FBXW4: variants seen among roughly 807,000 people sequenced by gnomAD.
FBXW4 encodes the protein F-box/WD repeat-containing protein 4.
In FBXW4, 40 loss-of-function variants were observed where a neutral mutation model predicts 61.8. The observed-to-expected ratio is 0.65, with a 90% CI of 0.50 to 0.84. The LOEUF (loss-of-function observed/expected upper bound fraction) is 0.84, where lower values mean the gene tolerates loss of function less well. Among genes scored for constraint, FBXW4 ranks in the 40% least tolerant of loss-of-function variants. The pLI, the probability that FBXW4 is intolerant of heterozygous loss-of-function variation, is 0.00. For synonymous variants in FBXW4, 311 were observed against 313.8 expected, an observed-to-expected ratio of 0.99 and a Z score of 0.10; for missense variants, 672 against 753.8, an observed-to-expected ratio of 0.89 and a Z score of 1.27.
At chr10:101,636,925 G>A (rs932908863) in intron 5 of FBXW4, among the ~76,000 whole-genome samples, 5 of 152,074 alleles carry the variant, frequency 3.3e-5, no homozygotes, top group African/African-American at 1.2e-4. Flanking sequence ...ATCTTTTAGA[G>A]TACAGACTGA....
chr10:101,635,128 AG>A (rs982094558), intron 5 of FBXW4, among the ~76,000 whole-genome samples: 1 of 149,248 alleles, frequency 6.7e-6, no homozygotes, highest in African/African-American at 2.5e-5. Context: ...CTGTTAGATC[AG>A]GGGTAGCATT....
chr10:101,639,472 A>T (rs2064032889), intron 5 of FBXW4, among the ~76,000 whole-genome samples: 1 of 152,200 alleles, frequency 6.6e-6, no homozygotes, highest in Non-Finnish European at 1.5e-5. Flanking sequence ...ACACTTTGGG[A>T]CTGGACATCA....
chr10:101,644,687 A>G (rs1010616564), intron 5 of FBXW4, among the ~76,000 whole-genome samples: 1 of 152,188 alleles, frequency 6.6e-6, no homozygotes, highest in African/African-American at 2.4e-5. Context: ...GACCTTTCAG[A>G]GCCCTGTCTA....
Position 101,667,872 on chromosome 10 carries a change from T to A in FBXW4, c.1235+14A>T. 1 of 1,606,336 alleles carries A rather than the reference T, an allele frequency of 6.2e-7. No homozygotes were observed. Among genetic ancestry groups the A allele is most frequent in the Non-Finnish European group, 8.5e-7 (1 of 1,172,902 alleles). On this transcript the variant is annotated intron_variant, in intron 5 of 8. Transcript: ENST00000331272. ...TATACAGGACAAAACCACATCCAAA[T>A]ATGTCTCCCTTACCTGAGTAATGGG...
At chr10:101,629,078 T>C (rs534312464) in intron 5 of FBXW4, among the ~76,000 whole-genome samples, 2 of 152,110 alleles carry the variant, frequency 1.3e-5, no homozygotes, top group African/African-American at 4.8e-5. Flanking sequence ...TAACAAGACA[T>C]AGAAAAGAGG....
At chr10:101,618,759 A>C (rs993863835) in intron 6 of FBXW4, among the ~76,000 whole-genome samples, 1 of 152,106 alleles carries the variant, frequency 6.6e-6, no homozygotes, top group African/African-American at 2.4e-5. Context: ...GGCTGGACCT[A>C]CTATGACACC....
At chr10:101,643,039 A>G (rs1439133345) in intron 5 of FBXW4, among the ~76,000 whole-genome samples, 1 of 152,034 alleles carries the variant, frequency 6.6e-6, no homozygotes, top group African/African-American at 2.4e-5. Flanking sequence ...AACTTGTGCT[A>G]CTCCTCAGAA....
chr10:101,646,627 G>A (rs1310845361), intron 5 of FBXW4, among the ~76,000 whole-genome samples: 4 of 152,216 alleles, frequency 2.6e-5, no homozygotes, highest in East Asian at 3.8e-4. Flanking sequence ...GAGGGGCAGC[G>A]GCCAGCCCTT....
At chr10:101,669,669 G>A (rs2064339427) in intron 4 of FBXW4, among the ~76,000 whole-genome samples, 1 of 152,122 alleles carries the variant, frequency 6.6e-6, no homozygotes, top group South Asian at 2.1e-4. Flanking sequence ...TGAGGGACAA[G>A]AGTTGACAAC....
At chr10:101,660,098 A>G in intron 5 of FBXW4, 1 of 985,478 alleles carries the variant, frequency 1.0e-6, no homozygotes, top group Non-Finnish European at 1.2e-6. Flanking sequence ...GAGGGGTCGG[A>G]GTCAGATTGA....
intron 5 of FBXW4, among the ~76,000 whole-genome samples, chr10:101,639,473 C>G (rs1455817112): frequency 1.3e-5 from 2 of 152,232 alleles, no homozygotes; most frequent in Non-Finnish European, 1.5e-5. Flanking sequence ...CACTTTGGGA[C>G]TGGACATCAT....
At chr10:101,667,574 G>A (rs2064317296) in intron 5 of FBXW4, among the ~76,000 whole-genome samples, 1 of 152,168 alleles carries the variant, frequency 6.6e-6, no homozygotes, top group African/African-American at 2.4e-5. Context: ...AATGACCCCA[G>A]AGGACAACTG....
intron 5 of FBXW4, among the ~76,000 whole-genome samples, chr10:101,644,800 G>A (rs759542065): frequency 5.4e-4 from 82 of 152,184 alleles, no homozygotes; most frequent in Non-Finnish European, 9.7e-4. Context: ...GCTGCCCATA[G>A]CACAGGCCAC....
chr10:101,631,370 C>T lies in FBXW4; in HGVS notation c.1236-6560G>A, dbSNP rs541076060. ...TTATACAGTCCTTTTAAATGATGTTCCCAAATAATACAAGCAAGAGACTTA... is the reference window on the plus strand; with the variant it reads ...TTATACAGTCCTTTTAAATGATGTTTCCAAATAATACAAGCAAGAGACTTA... On this transcript the variant is annotated intron_variant, in intron 5 of 8. Coordinates refer to ENST00000331272, the MANE Select transcript of FBXW4 (RefSeq NM_022039.4). 7.9e-5 allele frequency among the ~76,000 whole-genome samples: 12 copies of T among 151,884 alleles called. No homozygotes were observed. The South Asian group carries it at 2.3e-3, about 29-fold the overall frequency.
rs560966094 is a variant in FBXW4, at chr10:101,694,600, G to GCCTCCTCCT, written c.497_505dup (p.Glu166_Glu168dup). On this transcript the variant is annotated inframe_insertion, in exon 1 of 9. Coordinates refer to ENST00000331272, the MANE Select transcript of FBXW4 (RefSeq NM_022039.4). The surrounding 1 kb of genome is among the most constrained non-coding windows in gnomAD (Gnocchi z 6.0). ...CGGGCGGGCAGCCGACTCCCGAGCCGCCTCCTCCTCCTCCTCCTCCTCCCC... is the reference window on the plus strand; with the variant it reads ...CGGGCGGGCAGCCGACTCCCGAGCCGCCTCCTCCTCCTCCTCCTCCTCCTCCTCCTCCCC... The GCCTCCTCCT allele has an allele frequency of 5.2e-5, 74 of 1,426,238 alleles. No individual in the cohort carries two copies. Among genetic ancestry groups the GCCTCCTCCT allele is most frequent in the Middle Eastern group, 4.2e-4 (2 of 4,806 alleles). The allele number at this position is 1,426,238 out of a possible 1,614,324, so 88.3% of individuals were successfully genotyped here.
intron 2 of FBXW4, 139 bp downstream of exon 2, chr10:101,676,202 C>A: frequency 1.9e-6 from 1 of 518,100 alleles, no homozygotes. Flanking sequence ...TTCTGATGCC[C>A]CCTTTGTGTT....
At chr10:101,636,388 A>C (rs549767003) in intron 5 of FBXW4, among the ~76,000 whole-genome samples, 1 of 151,648 alleles carries the variant, frequency 6.6e-6, no homozygotes, top group African/African-American at 2.4e-5. Flanking sequence ...AAAACAAAAC[A>C]AAACAACGGA....
At chr10:101,613,820 G>A (rs543070333) in intron 6 of FBXW4, among the ~76,000 whole-genome samples, 34 of 152,200 alleles carry the variant, frequency 2.2e-4, no homozygotes, top group Non-Finnish European at 4.1e-4. Context: ...CTGCCAGGGG[G>A]GAATTAATCC....
chr10:101,624,711 A>C, intron 6 of FBXW4, 34 bp downstream of exon 6: 3 of 1,612,340 alleles, frequency 1.9e-6, no homozygotes, highest in Non-Finnish European at 2.5e-6. Context: ...CACCTCCTGG[A>C]CTGGAAGCCA....
Sources: allele counts gnomAD v4.1 joint callset (sites outside exome capture counted in the v4.1 genomes callset), GRCh38; gene constraint gnomAD v4.1.1; non-coding constraint Gnocchi (gnomAD v3.1); transcripts MANE v1.5; gene names NCBI Gene and HGNC (gene_info 2026-07-23, HGNC 2026-07-21).